Variants in MAPK10 observed in about 807,000 individuals in gnomAD.
MAPK10 encodes the protein mitogen-activated protein kinase 10.
In MAPK10, 25 loss-of-function variants were observed where a neutral mutation model predicts 59.3. That is an observed-to-expected ratio of 0.42 (90% CI 0.31 to 0.59). The LOEUF is 0.59. MAPK10 is among the 20% of genes least tolerant of loss of function. The pLI is 0.15. For synonymous variants in MAPK10, 190 were observed against 200.5 expected (o/e 0.95, Z 0.44); for missense variants, 351 against 568.9 (o/e 0.62, Z 3.90).
At chr4:86,552,459 AGGAGGGAGGGAGGGAGGGAG>A (rs1165212307) in intron 1 of MAPK10, among the ~76,000 whole-genome samples, 1 of 34,562 alleles carries the variant, frequency 2.9e-5, no homozygotes, top group African/African-American at 7.6e-5. Flanking sequence ...GAAGGAAGGA[AGGAGGGAGGGAGGGAGGGAG>A]GGAGGGAGGG....
At chr4:86,184,771 A>AGTCCCTC (rs144452040) in intron 3 of MAPK10, among the ~76,000 whole-genome samples, 12,856 of 152,118 alleles carry the variant, frequency 0.085, 1,196 homozygotes, top group African/African-American at 0.23. Context: ...AAGCTTCCTG[A>AGTCCCTC]ACCAGAAGCA....
At chr4:86,394,919 T>C (rs1187809320) in intron 1 of MAPK10, among the ~76,000 whole-genome samples, 1 of 152,196 alleles carries the variant, frequency 6.6e-6, no homozygotes, top group Non-Finnish European at 1.5e-5. Flanking sequence ...TCAGCTGCTC[T>C]AGCGGCTGAG....
chr4:86,486,302 A>AACAT (rs766726233), intron 1 of MAPK10, among the ~76,000 whole-genome samples: 6 of 152,120 alleles, frequency 3.9e-5, no homozygotes, highest in South Asian at 2.1e-4. Flanking sequence ...CAATCTCTAA[A>AACAT]ACATACATAC....
At chr4:86,086,284 G>T (rs2051825439) in intron 9 of MAPK10, among the ~76,000 whole-genome samples, 1 of 151,936 alleles carries the variant, frequency 6.6e-6, no homozygotes, top group Non-Finnish European at 1.5e-5. Context: ...GGGTGGGGAT[G>T]GTTAACGGCT....
chr4:86,170,072 G>C (rs1476293056), intron 3 of MAPK10, among the ~76,000 whole-genome samples: 3 of 151,936 alleles, frequency 2.0e-5, no homozygotes, highest in Non-Finnish European at 4.4e-5. Flanking sequence ...GCTAAACATG[G>C]AAAGGAACAA....
chr4:86,451,905 G>A (rs942303309), intron 1 of MAPK10, among the ~76,000 whole-genome samples: 29 of 152,114 alleles, frequency 1.9e-4, no homozygotes, highest in African/African-American at 6.8e-4. Context: ...GCTCATCTGG[G>A]GCCTGTGTGC....
chr4:86,188,218 T>G (rs7699047), intron 3 of MAPK10, among the ~76,000 whole-genome samples: 49,270 of 151,984 alleles, frequency 0.32, 11,003 homozygotes, highest in African/African-American at 0.64. Flanking sequence ...ACCTGTGCAT[T>G]TGTCTTTATA....
chr4:86,025,428 C>T lies in MAPK10; in HGVS notation c.1252+3769G>A, dbSNP rs536574957. 3.6e-4 allele frequency: 144 copies of T among 397,638 alleles called. 2 individuals are homozygous for T. Among genetic ancestry groups the T allele is most frequent in the East Asian group, 3.6e-3 (101 of 28,020 alleles). 24.6% of individuals were successfully genotyped at this position (397,638 alleles called of 1,614,324 possible). On this transcript the variant is annotated intron_variant, in intron 13 of 13. Coordinates refer to ENST00000641462, the MANE Select transcript of MAPK10 (RefSeq NM_138982.4). ...TCTAAACCATAAACCCAAACACAAA[C>T]GTAAGGGACAAGACATGGGCCTTGG...
At chr4:86,144,343 AAAT>A (rs2064336375) in intron 4 of MAPK10, among the ~76,000 whole-genome samples, 2 of 152,202 alleles carry the variant, frequency 1.3e-5, no homozygotes, top group South Asian at 2.1e-4. Flanking sequence ...TTATTAATGT[AAAT>A]AATAATACCT....
intron 1 of MAPK10, among the ~76,000 whole-genome samples, chr4:86,396,240 G>T (rs571566830): frequency 6.6e-6 from 1 of 152,114 alleles, no homozygotes; most frequent in Non-Finnish European, 1.5e-5. Context: ...TCAGCTACTC[G>T]GGAGGCTGAG....
At chr4:86,138,881 A>G (rs547068068) in intron 4 of MAPK10, among the ~76,000 whole-genome samples, 1 of 152,174 alleles carries the variant, frequency 6.6e-6, no homozygotes, top group South Asian at 2.1e-4. Flanking sequence ...AAGCATTCTT[A>G]TACACCAACA....
At chr4:86,589,491 G>T (rs111554107) in intron 1 of MAPK10, among the ~76,000 whole-genome samples, 7,078 of 152,100 alleles carry the variant, frequency 0.047, 219 homozygotes, top group African/African-American at 0.061. Flanking sequence ...AGACCAGCCT[G>T]GCCAACATGG....
intron 1 of MAPK10, among the ~76,000 whole-genome samples, chr4:86,431,536 G>C (rs1339994813): frequency 6.6e-6 from 1 of 152,102 alleles, no homozygotes; most frequent in East Asian, 1.9e-4. Context: ...CCTAAATATA[G>C]AAATAGTATT....
At chr4:86,335,394 A>G (rs1720586985) in intron 2 of MAPK10, among the ~76,000 whole-genome samples, 1 of 152,246 alleles carries the variant, frequency 6.6e-6, no homozygotes, top group Non-Finnish European at 1.5e-5. Context: ...TAAATTTAAA[A>G]TCTGTCTGTA....
At chr4:86,108,205 A>G (rs2056874127) in intron 4 of MAPK10, among the ~76,000 whole-genome samples, 1 of 152,206 alleles carries the variant, frequency 6.6e-6, no homozygotes, top group Admixed American at 6.5e-5. Flanking sequence ...GAAAATTTAC[A>G]ATGCTTTGAA....
At chr4:86,074,219 C>T (rs1360094538) in intron 9 of MAPK10, among the ~76,000 whole-genome samples, 1 of 137,760 alleles carries the variant, frequency 7.3e-6, no homozygotes, top group South Asian at 2.3e-4. Flanking sequence ...ATTGCAACCC[C>T]TGCCTTTTTT....
chr4:86,458,648 A>T (rs1415574803), intron 1 of MAPK10, among the ~76,000 whole-genome samples: 1 of 152,208 alleles, frequency 6.6e-6, no homozygotes, highest in African/African-American at 2.4e-5. Context: ...AATAAAGCAA[A>T]CAAAAACATA....
chr4:86,413,345 G>A (rs1205524616), intron 1 of MAPK10, among the ~76,000 whole-genome samples: 6 of 152,198 alleles, frequency 3.9e-5, no homozygotes, highest in Non-Finnish European at 8.8e-5. Flanking sequence ...GTTTCTCCTA[G>A]TCAGGCTACA....
intron 4 of MAPK10, among the ~76,000 whole-genome samples, chr4:86,116,856 G>A (rs569699546): frequency 2.3e-4 from 35 of 152,232 alleles, no homozygotes; most frequent in Non-Finnish European, 4.0e-4. Context: ...CACCTAGAGT[G>A]AGCACTGAGT....
Sources: gnomAD v4.1 joint callset for allele counts (sites outside exome capture counted in the v4.1 genomes callset) on GRCh38, gnomAD v4.1.1 for gene constraint, MANE v1.5 for transcripts, NCBI Gene and HGNC (gene_info 2026-07-23, HGNC 2026-07-21) for gene names.